The following PTPRR variants were observed in gnomAD, a reference collection of about 807,000 sequenced individuals.
The protein encoded by PTPRR is protein tyrosine phosphatase receptor type R, also known as receptor-type tyrosine-protein phosphatase R.
In PTPRR, 38 loss-of-function variants were observed where a neutral mutation model predicts 77.2. That is an observed-to-expected ratio of 0.49 (90% CI 0.38 to 0.65). The LOEUF (loss-of-function observed/expected upper bound fraction) is 0.65. Among genes scored for constraint, PTPRR ranks in the 30% least tolerant of loss-of-function variants. The pLI, the probability that PTPRR is intolerant of heterozygous loss-of-function variation, is 0.00. For synonymous variants in PTPRR, 299 were observed against 283.1 expected (o/e 1.06, Z -0.57); for missense variants, 744 against 799.2 (o/e 0.93, Z 0.83).
At chr12:70,645,621 G>A (rs951836777) in intron 13 of PTPRR, among the ~76,000 whole-genome samples, 3 of 152,256 alleles carry the variant, frequency 2.0e-5, no homozygotes, top group Middle Eastern at 3.4e-3. Flanking sequence ...TGTTAGCCAC[G>A]TGGCTTGGAT....
chr12:70,734,555 C>T (rs1889797342), intron 6 of PTPRR, among the ~76,000 whole-genome samples: 2 of 152,016 alleles, frequency 1.3e-5, no homozygotes, highest in Non-Finnish European at 2.9e-5. Context: ...GCTTGAACCT[C>T]AGGGTGAAGC....
rs147437058 is a variant in PTPRR, at chr12:70,888,896, T to A, written c.357+3783A>T. ...TCACAAAATTTGAGACTTTTCAGGG[T>A]CAAAATATAAAGAATTCAATAGGTT... On this transcript the variant is annotated intron_variant, in intron 2 of 13. Transcript: ENST00000283228. Among the ~76,000 whole-genome samples, 821 of 152,214 alleles carry A rather than the reference T, an allele frequency of 5.4e-3. 7 individuals carry two copies. Among genetic ancestry groups the A allele is most frequent in the African/African-American group, 0.019 (787 of 41,532 alleles).
intron 8 of PTPRR, among the ~76,000 whole-genome samples, chr12:70,689,853 C>A (rs1747175151): frequency 6.6e-6 from 1 of 152,244 alleles, no homozygotes; most frequent in South Asian, 2.1e-4. Context: ...CTAGTAGTCA[C>A]CATCCCTGTC....
intron 13 of PTPRR, among the ~76,000 whole-genome samples, chr12:70,655,678 G>T (rs1193727725): frequency 6.6e-6 from 1 of 152,174 alleles, no homozygotes; most frequent in African/African-American, 2.4e-5. Flanking sequence ...TTACGTAAAA[G>T]GTGCCTAGAG....
intron 2 of PTPRR, among the ~76,000 whole-genome samples, chr12:70,878,182 A>G (rs1290198425): frequency 2.0e-5 from 3 of 152,346 alleles, no homozygotes; most frequent in Admixed American, 6.5e-5. Flanking sequence ...TTCACGACAT[A>G]GGCATGAGCA....
chr12:70,745,354 T>C (rs900388879), intron 6 of PTPRR, among the ~76,000 whole-genome samples: 1 of 152,192 alleles, frequency 6.6e-6, no homozygotes, highest in Non-Finnish European at 1.5e-5. Flanking sequence ...ATACTGAATG[T>C]TTGTTGTGGT....
At chr12:70,857,155 T>C (rs1565720057) in intron 2 of PTPRR, among the ~76,000 whole-genome samples, 1 of 152,054 alleles carries the variant, frequency 6.6e-6, no homozygotes, top group Non-Finnish European at 1.5e-5. Context: ...ATATCCTGGA[T>C]GAAAATGATG....
chr12:70,803,898 A>G (rs1306575471), intron 2 of PTPRR, among the ~76,000 whole-genome samples: 3 of 152,074 alleles, frequency 2.0e-5, no homozygotes, highest in Non-Finnish European at 4.4e-5. Flanking sequence ...GGGTGTGTGT[A>G]ACATGCATGT....
intron 2 of PTPRR, among the ~76,000 whole-genome samples, chr12:70,869,261 G>A (rs893479562): frequency 1.3e-5 from 2 of 152,088 alleles, no homozygotes; most frequent in Non-Finnish European, 1.5e-5. Context: ...AAGGCTCACT[G>A]AGGGTCACTC....
intron 13 of PTPRR, chr12:70,639,810 TGATTGACGGA>T (rs1885931318): frequency 6.6e-6 from 1 of 152,554 alleles, no homozygotes; most frequent in African/African-American, 2.4e-5. Flanking sequence ...GGCTTAAAAT[TGATTGACGGA>T]GACAAACCAA....
At position 70,745,881 on chromosome 12, in the gene PTPRR, G is replaced by T; in HGVS notation, c.944C>A (p.Ala315Asp). The part of the protein sequence containing the change: ...PQGRGAPEIK[A>D]TTATSVCPSP... ...AGGGCAAACAGAGGTAGCGGTGGTAGCTTTGATCTCAGGAGCACCTCGGCC... is the reference window on the plus strand; with the variant it reads ...AGGGCAAACAGAGGTAGCGGTGGTATCTTTGATCTCAGGAGCACCTCGGCC... Residue 315 changes from alanine to aspartate, a missense_variant, in exon 6 of 14, where the codon GCT becomes GAT. Around this residue, in one of 3 missense-constraint regions of PTPRR, gnomAD observed 570 missense variants for 573.2 expected, o/e 0.99. Transcript: ENST00000283228. The T allele has an allele frequency of 6.2e-7, 1 of 1,614,048 alleles. No individual in the cohort carries two copies.
chr12:70,739,271 A>G (rs1330918276), intron 6 of PTPRR, among the ~76,000 whole-genome samples: 2 of 152,158 alleles, frequency 1.3e-5, no homozygotes, highest in African/African-American at 4.8e-5. Context: ...TCTCAAAGAC[A>G]CCATGCCATT....
chr12:70,667,330 A>C (rs1887048647), intron 10 of PTPRR, among the ~76,000 whole-genome samples: 1 of 152,062 alleles, frequency 6.6e-6, no homozygotes, highest in Non-Finnish European at 1.5e-5. Context: ...TAAACATAAC[A>C]CTGTGGATTA....
At chr12:70,849,831 T>C (rs904709083) in intron 2 of PTPRR, among the ~76,000 whole-genome samples, 2 of 152,188 alleles carry the variant, frequency 1.3e-5, no homozygotes, top group East Asian at 1.9e-4. Context: ...TTGCTTGTCT[T>C]AATAAAACAT....
At chr12:70,815,510 C>G (rs553216140) in intron 2 of PTPRR, among the ~76,000 whole-genome samples, 2 of 152,134 alleles carry the variant, frequency 1.3e-5, no homozygotes, top group African/African-American at 4.8e-5. Flanking sequence ...ACCTGATATA[C>G]CGAACGGTTT....
intron 6 of PTPRR, among the ~76,000 whole-genome samples, chr12:70,732,634 C>A (rs1488666804): frequency 6.6e-6 from 1 of 152,136 alleles, no homozygotes; most frequent in Admixed American, 6.5e-5. Context: ...GATCTCAGCT[C>A]ATTGCGACCT....
chr12:70,689,880 A>G (rs1366788376), intron 8 of PTPRR, among the ~76,000 whole-genome samples: 1 of 152,204 alleles, frequency 6.6e-6, no homozygotes, highest in Non-Finnish European at 1.5e-5. Flanking sequence ...TAGCAATAAG[A>G]TCCCAATTCT....
At chr12:70,681,800 T>C (rs988195688) in intron 10 of PTPRR, among the ~76,000 whole-genome samples, 5 of 152,190 alleles carry the variant, frequency 3.3e-5, no homozygotes, top group African/African-American at 1.2e-4. Flanking sequence ...GCTGAGAGTA[T>C]GTGCATCAGA....
At chr12:70,738,539 T>A (rs2136908287) in intron 6 of PTPRR, among the ~76,000 whole-genome samples, 1 of 152,324 alleles carries the variant, frequency 6.6e-6, no homozygotes, top group African/African-American at 2.4e-5. Flanking sequence ...TGTGAACATA[T>A]CCAATTTGCC....
Sources: allele counts gnomAD v4.1 joint callset (sites outside exome capture counted in the v4.1 genomes callset), GRCh38; gene constraint gnomAD v4.1.1; regional missense constraint gnomAD v4.1.1; transcripts MANE v1.5; gene names NCBI Gene and HGNC (gene_info 2026-07-23, HGNC 2026-07-21).